The following TXN2 variants were observed in gnomAD, a reference collection of about 807,000 sequenced individuals.
TXN2 encodes the protein thioredoxin 2.
A neutral mutation model predicts 14.6 loss-of-function variants in TXN2; 12 were observed. The observed-to-expected ratio is 0.82, with a 90% CI of 0.53 to 1.33. TXN2 has a LOEUF of 1.33. Among genes scored for constraint, TXN2 ranks in the 40% most tolerant of loss-of-function variants. The pLI, the probability that TXN2 is intolerant of heterozygous loss-of-function variation, is 0.00. For missense variants in TXN2, 173 were observed against 207.7 expected (o/e 0.83, Z 1.03); for synonymous variants, 89 against 81.0 (o/e 1.10, Z -0.53).
At position 36,467,725 on chromosome 22, in the gene TXN2, G is replaced by C. The variant is rs542972674; in HGVS notation, c.*79C>G. The C allele has an allele frequency of 1.1e-4, 142 of 1,235,288 alleles. 1 individual carries two copies. The South Asian group carries it at 1.6e-3, about 14-fold the overall frequency. The allele number at this position is 1,235,288 out of a possible 1,614,324, so 76.5% of individuals were successfully genotyped here. On this transcript the variant is annotated 3_prime_UTR_variant, in exon 4 of 4. Transcript: ENST00000216185. The stretch of plus-strand genomic sequence containing the variant: ...CCAGGAGCCAGACAGGAGGGAGGCA[G>C]CAGGAAGGGCTGGCATGGAAGGGCT...
intron 2 of TXN2, among the ~76,000 whole-genome samples, chr22:36,479,466 G>T (rs988491332): frequency 1.1e-4 from 17 of 151,816 alleles, no homozygotes; most frequent in Non-Finnish European, 1.8e-4. Context: ...TGGGTAGCTG[G>T]GATTACAGGT....
At chr22:36,468,081 A>T (rs185899784) in intron 3 of TXN2, among the ~76,000 whole-genome samples, 164 bp from the exon 4 acceptor site, 1 of 152,312 alleles carries the variant, frequency 6.6e-6, no homozygotes, top group African/African-American at 2.4e-5. Context: ...GTGCAGGGGT[A>T]CTGCAGGGCC....
intron 3 of TXN2, among the ~76,000 whole-genome samples, chr22:36,471,862 TG>T (rs1460865026): frequency 2.0e-5 from 3 of 151,540 alleles, no homozygotes; most frequent in Non-Finnish European, 4.4e-5. Flanking sequence ...TCCAGCACTT[TG>T]GGAGGCTGAG....
At chr22:36,478,221 T>C (rs945490240) in intron 2 of TXN2, among the ~76,000 whole-genome samples, 1 of 151,704 alleles carries the variant, frequency 6.6e-6, no homozygotes, top group Non-Finnish European at 1.5e-5. Context: ...CCATTATCAC[T>C]GCCCTGATCA....
intron 3 of TXN2, among the ~76,000 whole-genome samples, chr22:36,473,813 C>T (rs987341284): frequency 6.6e-6 from 1 of 152,326 alleles, no homozygotes; most frequent in East Asian, 1.9e-4. Context: ...GGCTTCACCG[C>T]AGGCCTTCAG....
chr22:36,476,310 C>T (rs754121781), intron 3 of TXN2, among the ~76,000 whole-genome samples: 1 of 152,006 alleles, frequency 6.6e-6, no homozygotes, highest in Admixed American at 6.6e-5. Flanking sequence ...CTCGAAAAAC[C>T]GGCTGGGCGC....
chr22:36,474,000 A>AAGCTGT (rs1933336856), intron 3 of TXN2, among the ~76,000 whole-genome samples: 1 of 152,222 alleles, frequency 6.6e-6, no homozygotes, highest in Admixed American at 6.5e-5. Flanking sequence ...GCTGAAGCTG[A>AAGCTGT]AGCTGTAGTG....
chr22:36,476,686 C>T (rs765294406), intron 3 of TXN2, 47 bp downstream of exon 3: 8 of 1,611,192 alleles, frequency 5.0e-6, no homozygotes, highest in Admixed American at 3.3e-5. Context: ...CTGGGCCTGA[C>T]ACCTCCTATA....
In TXN2 at chr22:36,480,771, G is replaced by C; in HGVS notation, c.67C>G (p.Gln23Glu). The change falls in exon 2 of 4, where the codon CAG (glutamine) becomes GAG (glutamate). Residue 23 changes from glutamine (Q) to glutamate (E), a missense_variant. By Grantham distance (29) the Gln-to-Glu change is conservative. Coordinates refer to ENST00000216185, the MANE Select transcript of TXN2 (RefSeq NM_012473.4). The stretch of plus-strand genomic sequence containing the variant: ...GCTCTGGAAGTGAGGGGTGGCCACT[G>C]ACCCTGAGAGGGCTTCCTGGAGATG... The part of the protein sequence containing the change: ...SVISRKPSQG[Q>E]WPPLTSRALQ... 6.2e-7 allele frequency: 1 copy of C among 1,613,154 alleles called. No homozygotes were observed. The highest frequency in any genetic ancestry group is 1.3e-5 in the African/African-American group (1 of 75,018).
chr22:36,468,570 C>A, intron 3 of TXN2: 1 of 357,142 alleles, frequency 2.8e-6, no homozygotes, highest in Non-Finnish European at 5.6e-6. Context: ...CTAAACCCCC[C>A]CAAAATATTA....
At chr22:36,477,567 G>C (rs1246442216) in intron 2 of TXN2, among the ~76,000 whole-genome samples, 4 of 152,164 alleles carry the variant, frequency 2.6e-5, no homozygotes, top group Admixed American at 1.3e-4. Flanking sequence ...TATTAGGAGA[G>C]ATCAACTAAG....
intron 2 of TXN2, among the ~76,000 whole-genome samples, chr22:36,478,413 T>C (rs1933431965): frequency 6.6e-6 from 1 of 152,198 alleles, no homozygotes; most frequent in Admixed American, 6.5e-5. Context: ...CTCTCTGGAA[T>C]GCTCACTACA....
chr22:36,476,278 G>A (rs1933383876), intron 3 of TXN2, among the ~76,000 whole-genome samples: 2 of 152,148 alleles, frequency 1.3e-5, no homozygotes, highest in Admixed American at 1.3e-4. Flanking sequence ...CCTCTGCAAA[G>A]TGCTCTGAGC....
chr22:36,472,207 A>C (rs958187858), intron 3 of TXN2, among the ~76,000 whole-genome samples: 2 of 152,212 alleles, frequency 1.3e-5, no homozygotes, highest in Non-Finnish European at 1.5e-5. Context: ...CGATTATTGA[A>C]AAAATGAACT....
chr22:36,478,247 C>T lies in TXN2; in HGVS notation c.264-1391G>A, dbSNP rs571677513. ...GCCCTGATCATAGGTATTCCCCTCT[C>T]GCTGGGGAAGCTCATCCAGGACAGG... On this transcript the variant is annotated intron_variant, in intron 2 of 3. Transcript: ENST00000216185. 3.3e-5 allele frequency among the ~76,000 whole-genome samples: 5 copies of T among 152,234 alleles called. No individual in the cohort carries two copies. The South Asian group carries it at 1.0e-3, about 32-fold the overall frequency.
chr22:36,476,509 G>A (rs976127275), intron 3 of TXN2, among the ~76,000 whole-genome samples: 7 of 151,872 alleles, frequency 4.6e-5, no homozygotes, highest in Admixed American at 2.0e-4. Context: ...GGAGAATCGC[G>A]TGAACCCGGG....
intron 3 of TXN2, among the ~76,000 whole-genome samples, chr22:36,475,690 C>T (rs1214913957): frequency 2.6e-5 from 4 of 152,172 alleles, no homozygotes; most frequent in African/African-American, 9.7e-5. Context: ...ATTTAAAATA[C>T]TAGAATGTAG....
chr22:36,473,535 G>A (rs1204956891), intron 3 of TXN2, among the ~76,000 whole-genome samples: 1 of 152,074 alleles, frequency 6.6e-6, no homozygotes, highest in East Asian at 1.9e-4. Flanking sequence ...GCTCTCTTCA[G>A]AAAGAAAAGA....
At chr22:36,477,008 A>G in intron 2 of TXN2, 152 bp from the exon 3 acceptor site, 1 of 1,332,294 alleles carries the variant, frequency 7.5e-7, no homozygotes, top group Non-Finnish European at 1.0e-6. Context: ...TGGTAATGCC[A>G]GGAGATTCTG....
Sources: allele counts gnomAD v4.1 joint callset (sites outside exome capture counted in the v4.1 genomes callset), GRCh38; gene constraint gnomAD v4.1.1; transcripts MANE v1.5; gene names NCBI Gene and HGNC (gene_info 2026-07-23, HGNC 2026-07-21).